The following HMCN1 variants were observed in gnomAD, a reference collection of about 807,000 sequenced individuals.
The protein encoded by HMCN1 is hemicentin-1.
In HMCN1, 321 loss-of-function variants were observed where a neutral mutation model predicts 625.9. The ratio of observed to expected loss-of-function variants is 0.51; its 90% CI spans 0.47 to 0.56. HMCN1 has a LOEUF of 0.56. HMCN1 is among the 20% of genes least tolerant of loss of function. The pLI is 0.00. For missense variants in HMCN1, 6,588 were observed against 6,887.3 expected, an observed-to-expected ratio of 0.96 and a Z score of 1.54; for synonymous variants, 2,425 against 2,417.6, an observed-to-expected ratio of 1.00 and a Z score of -0.09.
chr1:186,171,870 G>A (rs1162789405), intron 101 of HMCN1, 136 bp from the exon 102 acceptor site: 1 of 696,360 alleles, frequency 1.4e-6, no homozygotes, highest in African/African-American at 1.8e-5. Flanking sequence ...TTGAATTTAA[G>A]CACTTTAACC....
Position 186,174,535 on chromosome 1 carries a change from G to C in HMCN1, c.15836G>C (p.Gly5279Ala). ...GTAGATATTGATGAATGTAAAGATG[G>C]GACCCATCAGTGCAGATATAACCAG... ...TCIDIDECKDGTHQCRYNQIC... is the reference protein window; with the variant it reads ...TCIDIDECKDATHQCRYNQIC... The change falls in exon 103 of 107, where the codon GGG (glycine) becomes GCG (alanine). Residue 5279 changes from glycine (G) to alanine (A), a missense_variant. Gly to Ala is a moderately conservative substitution (Grantham distance 60, BLOSUM62 0). Transcript: ENST00000271588. 1 of 1,613,740 alleles carries C rather than the reference G, an allele frequency of 6.2e-7. No homozygotes were observed. Among genetic ancestry groups the C allele is most frequent in the Middle Eastern group, 1.7e-4 (1 of 6,052 alleles).
At chr1:186,027,032 T>C (rs375915148) in intron 36 of HMCN1, among the ~76,000 whole-genome samples, 2 of 152,196 alleles carry the variant, frequency 1.3e-5, no homozygotes, top group African/African-American at 4.8e-5. Flanking sequence ...GATCCTAAAA[T>C]ATTCAGTGTT....
chr1:185,815,163 T>C (rs1659766184), intron 1 of HMCN1, among the ~76,000 whole-genome samples: 1 of 150,288 alleles, frequency 6.7e-6, no homozygotes, highest in South Asian at 2.1e-4. Context: ...ATCACTCAAA[T>C]ATACTAATTA....
At chr1:185,993,836 G>A (rs1652604672) in intron 23 of HMCN1, among the ~76,000 whole-genome samples, 1 of 152,036 alleles carries the variant, frequency 6.6e-6, no homozygotes, top group South Asian at 2.1e-4. Context: ...TCTACACCAG[G>A]CATTGTTTAG....
chr1:185,930,856 TATTA>T (rs934175672), intron 10 of HMCN1, among the ~76,000 whole-genome samples: 10 of 151,932 alleles, frequency 6.6e-5, no homozygotes, highest in African/African-American at 2.4e-4. Flanking sequence ...TACTAAGTTA[TATTA>T]ATTATCTGTA....
intron 38 of HMCN1, 111 bp from the exon 39 acceptor site, chr1:186,039,617 G>A (rs1352731529): frequency 9.1e-6 from 11 of 1,210,008 alleles, no homozygotes. Context: ...CAAAAAACAA[G>A]CAAACCCTCC....
At position 186,151,842 on chromosome 1, in the gene HMCN1, CT is replaced by C. The variant is rs569819780; in HGVS notation, c.14896+104del. Reference sequence around the variant, plus strand: ...TGTTCCCACATAGAATAATTTGAAACTTTTTACGCAATCTTATAAGTGATAT... The same window carrying C: ...TGTTCCCACATAGAATAATTTGAAACTTTTACGCAATCTTATAAGTGATAT... On this transcript the variant is annotated intron_variant, in intron 95 of 106. Transcript: ENST00000271588. 4.0e-4 allele frequency: 497 copies of C among 1,252,380 alleles called. 6 individuals carry two copies. The South Asian group carries it at 6.1e-3, about 15-fold the overall frequency. 77.6% of individuals were successfully genotyped at this position (1,252,380 alleles called of 1,614,324 possible). A position where few individuals can be genotyped will look rare whatever the true frequency, so the allele number is the denominator to read the frequency against.
intron 56 of HMCN1, among the ~76,000 whole-genome samples, chr1:186,082,002 A>G (rs190261646): frequency 1.2e-3 from 180 of 152,310 alleles, no homozygotes; most frequent in Non-Finnish European, 2.1e-3. Flanking sequence ...CCAACATAGG[A>G]CATATCTCAT....
chr1:186,111,501 C>T (rs912845232), intron 71 of HMCN1, among the ~76,000 whole-genome samples: 4 of 151,992 alleles, frequency 2.6e-5, no homozygotes, highest in Non-Finnish European at 5.9e-5. Context: ...AAAAAGTTAG[C>T]TGGGCATGGT....
At chr1:185,789,325 C>T (rs975474450) in intron 1 of HMCN1, among the ~76,000 whole-genome samples, 1 of 152,150 alleles carries the variant, frequency 6.6e-6, no homozygotes, top group Non-Finnish European at 1.5e-5. Context: ...CGTGAGCACT[C>T]ACTAGGAATC....
Position 186,145,878 on chromosome 1 carries a change from G to T in HMCN1, c.14563G>T (p.Gly4855Ter). The change falls in exon 93 of 107, where the codon GGA (glycine) becomes TGA (stop). Residue 4855 changes from glycine to a stop codon, truncating the protein, a stop_gained. Coordinates refer to ENST00000271588, the MANE Select transcript of HMCN1 (RefSeq NM_031935.3). LOFTEE classifies it high-confidence loss of function. ...AGTTAAAGGTGGCCGTCCCTGTCCCGGAGACACTACTCAGGTGACCAGGTG... is the reference window on the plus strand; with the variant it reads ...AGTTAAAGGTGGCCGTCCCTGTCCCTGAGACACTACTCAGGTGACCAGGTG... The part of the protein sequence containing the change: ...VPVKGGRPCP[G>*]DTTQVTRCNV... The T allele has an allele frequency of 6.2e-7, 1 of 1,614,008 alleles. No homozygotes were observed. Among genetic ancestry groups the T allele is most frequent in the Non-Finnish European group, 8.5e-7 (1 of 1,179,972 alleles).
chr1:185,759,851 G>A (rs1310925704), intron 1 of HMCN1, among the ~76,000 whole-genome samples: 1 of 152,034 alleles, frequency 6.6e-6, no homozygotes, highest in Non-Finnish European at 1.5e-5. Context: ...ATGGGATTGT[G>A]AATATGGAAG....
At chr1:185,816,516 G>A (rs1403421450) in intron 1 of HMCN1, among the ~76,000 whole-genome samples, 1 of 152,134 alleles carries the variant, frequency 6.6e-6, no homozygotes. Flanking sequence ...TATCCACCAT[G>A]CCCATGACAG....
chr1:186,005,855 G>C (rs1017730529), intron 29 of HMCN1, among the ~76,000 whole-genome samples: 4 of 152,088 alleles, frequency 2.6e-5, no homozygotes, highest in African/African-American at 7.2e-5. Flanking sequence ...TTAAAATGTG[G>C]CCAGGCACCG....
At chr1:185,978,027 T>C (rs1241540459) in intron 16 of HMCN1, 46 bp downstream of exon 16, 1 of 1,367,510 alleles carries the variant, frequency 7.3e-7, no homozygotes, top group Non-Finnish European at 1.0e-6. Flanking sequence ...ACTTTTATGT[T>C]ATATATTTAT....
At chr1:185,956,779 A>C (rs963710037) in intron 11 of HMCN1, among the ~76,000 whole-genome samples, 3 of 152,200 alleles carry the variant, frequency 2.0e-5, no homozygotes, top group Non-Finnish European at 4.4e-5. Context: ...CTTTCTGGTG[A>C]ATTAGCCCCA....
At chr1:186,023,226 T>G (rs939401161) in intron 36 of HMCN1, 73 bp downstream of exon 36, 3 of 1,345,386 alleles carry the variant, frequency 2.2e-6, no homozygotes, top group African/African-American at 2.9e-5. Flanking sequence ...CTCATTTTTA[T>G]TGAATTACAG....
intron 46 of HMCN1, 90 bp from the exon 47 acceptor site, chr1:186,061,761 A>G: frequency 1.2e-6 from 1 of 801,180 alleles, no homozygotes; most frequent in Admixed American, 2.3e-5. Context: ...TACTGATTAA[A>G]TTTTTACCGA....
At chr1:186,081,429 T>G in intron 56 of HMCN1, 35 bp downstream of exon 56, 1 of 1,467,536 alleles carries the variant, frequency 6.8e-7, no homozygotes, top group Non-Finnish European at 9.5e-7. Context: ...TTAAAAGAGC[T>G]ATTTGACTTT....
Sources: gnomAD v4.1 joint callset for allele counts (sites outside exome capture counted in the v4.1 genomes callset) on GRCh38, gnomAD v4.1.1 for gene constraint, MANE v1.5 for transcripts, NCBI Gene and HGNC (gene_info 2026-07-23, HGNC 2026-07-21) for gene names.